Variants in NUDCD3 observed in about 807,000 individuals in gnomAD.
NUDCD3 encodes nudC domain-containing protein 3.
Under a neutral mutation model 39.7 loss-of-function variants are expected in NUDCD3, and 13 were observed. The observed-to-expected ratio is 0.33, with a 90% CI of 0.21 to 0.52. NUDCD3 has a LOEUF of 0.52. NUDCD3 is among the 20% of genes least tolerant of loss of function. The pLI is 0.96. For missense variants in NUDCD3, 453 were observed against 458.1 expected, an observed-to-expected ratio of 0.99 and a Z score of 0.10; for synonymous variants, 175 against 172.4, an observed-to-expected ratio of 1.02 and a Z score of -0.12.
intron 3 of NUDCD3, among the ~76,000 whole-genome samples, chr7:44,427,084 T>A (rs1799250133): frequency 6.6e-6 from 1 of 152,240 alleles, no homozygotes; most frequent in Non-Finnish European, 1.5e-5. Context: ...GAAACTCACA[T>A]GACAGATGCT....
At chr7:44,433,293 G>A (rs957765392) in intron 2 of NUDCD3, among the ~76,000 whole-genome samples, 6 of 152,138 alleles carry the variant, frequency 3.9e-5, no homozygotes, top group Admixed American at 6.6e-5. Context: ...ACATGTGTGT[G>A]GCATGTGTGC....
At chr7:44,455,670 G>T (rs895932218) in intron 2 of NUDCD3, among the ~76,000 whole-genome samples, 9 of 152,184 alleles carry the variant, frequency 5.9e-5, no homozygotes, top group Non-Finnish European at 1.0e-4. Context: ...GTGAGTGTAA[G>T]AACACGTGTA....
intron 2 of NUDCD3, among the ~76,000 whole-genome samples, chr7:44,439,844 T>C (rs1213518688): frequency 6.6e-6 from 1 of 151,794 alleles, no homozygotes; most frequent in Non-Finnish European, 1.5e-5. Context: ...ATGAGGGAAA[T>C]AGGAAATTGC....
At chr7:44,400,121 T>G (rs1179829445) in intron 4 of NUDCD3, among the ~76,000 whole-genome samples, 2 of 152,166 alleles carry the variant, frequency 1.3e-5, no homozygotes, top group Non-Finnish European at 2.9e-5. Context: ...AGGAGGATGG[T>G]GCGCATGCCA....
At chr7:44,424,595 C>T (rs1417216072) in intron 3 of NUDCD3, among the ~76,000 whole-genome samples, 1 of 152,212 alleles carries the variant, frequency 6.6e-6, no homozygotes, top group Non-Finnish European at 1.5e-5. Flanking sequence ...GAGATACCAT[C>T]TCATGCCAGT....
chr7:44,476,880 A>T (rs1254125728), intron 2 of NUDCD3, among the ~76,000 whole-genome samples: 1 of 152,192 alleles, frequency 6.6e-6, no homozygotes, highest in East Asian at 1.9e-4. Context: ...GGGATGAACT[A>T]CTGGAAAAGA....
At chr7:44,423,429 G>A (rs2116896378) in intron 3 of NUDCD3, among the ~76,000 whole-genome samples, 2 of 152,300 alleles carry the variant, frequency 1.3e-5, no homozygotes, top group African/African-American at 4.8e-5. Context: ...AAGCTGATAA[G>A]CAACTTCGGC....
At chr7:44,481,870 A>G (rs1041984130) in intron 2 of NUDCD3, among the ~76,000 whole-genome samples, 3 of 152,162 alleles carry the variant, frequency 2.0e-5, no homozygotes, top group African/African-American at 7.2e-5. Flanking sequence ...CTCATAAAAG[A>G]TTTGAGAGAG....
At chr7:44,487,441 T>C (rs1352027625) in intron 1 of NUDCD3, among the ~76,000 whole-genome samples, 1 of 150,388 alleles carries the variant, frequency 6.6e-6, no homozygotes. Context: ...AGGAGTCTTA[T>C]GCCATCAAGT....
chr7:44,473,580 T>C (rs1387696126), intron 2 of NUDCD3, among the ~76,000 whole-genome samples: 3 of 152,234 alleles, frequency 2.0e-5, no homozygotes, highest in African/African-American at 7.2e-5. Flanking sequence ...TGCTTTTGTC[T>C]GTGCATGTGT....
In NUDCD3 at chr7:44,490,543, C is replaced by A; in HGVS notation, c.58G>T (p.Val20Leu). 1 of 1,612,324 alleles carries A rather than the reference C, an allele frequency of 6.2e-7. No homozygotes were observed. The highest frequency in any genetic ancestry group is 8.5e-7 in the Non-Finnish European group (1 of 1,179,276). Residue 20 changes from valine to leucine, a missense_variant, in exon 1 of 6, where the codon GTG (valine) becomes TTG (leucine). Coordinates refer to ENST00000355451, the MANE Select transcript of NUDCD3 (RefSeq NM_015332.4). ...CGCAGGAAATCCTGGACGTTGCCCA[C>A]GTGCTGCAGGATGCCCAAAAGGGCC... is the stretch of plus-strand genomic sequence containing the variant. Reference protein sequence around the residue: ...DQALLGILQHVGNVQDFLRVL... With the variant: ...DQALLGILQHLGNVQDFLRVL...
chr7:44,405,629 C>G (rs953497104), intron 3 of NUDCD3, among the ~76,000 whole-genome samples: 1 of 152,128 alleles, frequency 6.6e-6, no homozygotes, highest in Non-Finnish European at 1.5e-5. Flanking sequence ...GCTCATTAAA[C>G]GCTTATAAAA....
intron 2 of NUDCD3, among the ~76,000 whole-genome samples, chr7:44,429,495 G>A (rs1175269631): frequency 2.0e-5 from 3 of 152,142 alleles, no homozygotes; most frequent in African/African-American, 7.2e-5. Context: ...GACCTTCAGA[G>A]GGAACATGGC....
chr7:44,459,297 C>T (rs1156527594), intron 2 of NUDCD3, among the ~76,000 whole-genome samples: 1 of 151,454 alleles, frequency 6.6e-6, no homozygotes, highest in Admixed American at 6.6e-5. Flanking sequence ...CTACAGGGCT[C>T]AAGCAATTCT....
intron 2 of NUDCD3, among the ~76,000 whole-genome samples, chr7:44,449,383 G>A (rs1173404262): frequency 6.6e-6 from 1 of 152,226 alleles, no homozygotes; most frequent in Non-Finnish European, 1.5e-5. Context: ...GTTGTCCATA[G>A]CTTGTGAGAA....
intron 2 of NUDCD3, among the ~76,000 whole-genome samples, chr7:44,434,455 T>C (rs1322410474): frequency 6.6e-6 from 1 of 152,172 alleles, no homozygotes; most frequent in Non-Finnish European, 1.5e-5. Flanking sequence ...CCTCCCTGCC[T>C]GCTGCCCAGC....
At chr7:44,426,459 C>CT (rs1312426495) in intron 3 of NUDCD3, among the ~76,000 whole-genome samples, 1 of 152,132 alleles carries the variant, frequency 6.6e-6, no homozygotes, top group East Asian at 1.9e-4. Context: ...GGAAGCTTAT[C>CT]CTCAGCACAT....
chr7:44,389,804 G>C (rs1798475479), intron 5 of NUDCD3, among the ~76,000 whole-genome samples: 1 of 152,070 alleles, frequency 6.6e-6, no homozygotes, highest in Admixed American at 6.5e-5. Context: ...CAAGGAGAGG[G>C]GAGGATGTAA....
chr7:44,466,541 C>A (rs1800122423), intron 2 of NUDCD3, among the ~76,000 whole-genome samples: 1 of 152,220 alleles, frequency 6.6e-6, no homozygotes, highest in African/African-American at 2.4e-5. Flanking sequence ...GCCAGCCACT[C>A]TGGTACCAGG....
Sources: allele counts gnomAD v4.1 joint callset (sites outside exome capture counted in the v4.1 genomes callset), GRCh38; gene constraint gnomAD v4.1.1; transcripts MANE v1.5; gene names NCBI Gene and HGNC (gene_info 2026-07-23, HGNC 2026-07-21).